LINC00305: variants seen among roughly 807,000 people sequenced by gnomAD.
LINC00305 encodes the protein long intergenic non-protein coding RNA 305.
chr18:64,143,994 C>T (rs1295234114), intron 1 of LINC00305, among the ~76,000 whole-genome samples: 1 of 152,052 alleles, frequency 6.6e-6, no homozygotes, highest in African/African-American at 2.4e-5. Context: ...TCCTGAAACA[C>T]CACAAATTTC....
chr18:64,124,086 A>G (rs1248141618), intron 1 of LINC00305, among the ~76,000 whole-genome samples: 1 of 152,144 alleles, frequency 6.6e-6, no homozygotes, highest in Non-Finnish European at 1.5e-5. Flanking sequence ...ACCCAGTCTC[A>G]GGCACTCTGT....
At chr18:64,137,249 G>A (rs1482101642) in intron 1 of LINC00305, among the ~76,000 whole-genome samples, 1 of 152,122 alleles carries the variant, frequency 6.6e-6, no homozygotes, top group African/African-American at 2.4e-5. Context: ...GCTGGAAGAG[G>A]CAAAGAAGGA....
At chr18:64,130,776 G>A (rs910760956) in intron 1 of LINC00305, among the ~76,000 whole-genome samples, 2 of 152,050 alleles carry the variant, frequency 1.3e-5, no homozygotes, top group Non-Finnish European at 2.9e-5. Context: ...AAGTGGAAAG[G>A]GCAATGACAT....
At chr18:64,104,062 A>G (rs2051279048) in intron 1 of LINC00305, 1 of 152,244 alleles carries the variant, frequency 6.6e-6, no homozygotes. Context: ...TTCTATCCTC[A>G]TAGTGTTGAG....
At position 64,111,526 on chromosome 18, in the gene LINC00305, A is replaced by C. The variant is rs376525363; in HGVS notation, n.315-12886T>G. Among the ~76,000 whole-genome samples the C allele has an allele frequency of 4.6e-5, 7 of 152,386 alleles. 1 individual carries two copies. The highest frequency in any genetic ancestry group is 2.0e-4 in the Admixed American group (3 of 15,310). ...TCAAATGTGAATTCTTGTTTATAGA[A>C]TAGTAAGGAAAATACATAATCATAA... On this transcript the variant is annotated intron_variant and non_coding_transcript_variant, in intron 1 of 3. Coordinates refer to ENST00000666468, the Ensembl canonical transcript of LINC00305.
At chr18:64,105,839 C>G (rs907331627) in intron 1 of LINC00305, among the ~76,000 whole-genome samples, 4 of 152,186 alleles carry the variant, frequency 2.6e-5, no homozygotes, top group Non-Finnish European at 5.9e-5. Context: ...AGAAGCATCA[C>G]AATTTCCAGT....
At chr18:64,090,503 G>A (rs947976228) in intron 3 of LINC00305, among the ~76,000 whole-genome samples, 1 of 152,158 alleles carries the variant, frequency 6.6e-6, no homozygotes, top group Non-Finnish European at 1.5e-5. Flanking sequence ...GGCAAATTGA[G>A]GAAATGTTAC....
intron 3 of LINC00305, among the ~76,000 whole-genome samples, chr18:64,085,691 C>A (rs987389549): frequency 6.6e-6 from 1 of 152,164 alleles, no homozygotes; most frequent in African/African-American, 2.4e-5. Flanking sequence ...GAACTCCCAA[C>A]CTCAAGTGAT....
chr18:64,086,357 T>A (rs552480854), intron 3 of LINC00305, among the ~76,000 whole-genome samples: 31 of 152,284 alleles, frequency 2.0e-4, no homozygotes, highest in African/African-American at 7.5e-4. Context: ...CATATCAAAA[T>A]CTGACCACAG....
chr18:64,128,363 C>T (rs1482418325), intron 1 of LINC00305, among the ~76,000 whole-genome samples: 1 of 151,310 alleles, frequency 6.6e-6, no homozygotes, highest in African/African-American at 2.4e-5. Context: ...CCACCTGTCA[C>T]CTGTCACCTC....
intron 1 of LINC00305, among the ~76,000 whole-genome samples, chr18:64,108,407 T>TGG (rs1464727956): frequency 6.6e-6 from 1 of 152,054 alleles, no homozygotes; most frequent in Non-Finnish European, 1.5e-5. Context: ...CCTCCTCAGG[T>TGG]GGGTGCACAG....
intron 3 of LINC00305, among the ~76,000 whole-genome samples, chr18:64,096,551 T>G (rs370772448): frequency 3.9e-5 from 6 of 151,994 alleles, no homozygotes; most frequent in Admixed American, 2.0e-4. Context: ...TGAATAAATA[T>G]GAATTATTTA....
intron 3 of LINC00305, among the ~76,000 whole-genome samples, chr18:64,083,531 C>T (rs1041536032): frequency 2.6e-5 from 4 of 152,200 alleles, no homozygotes; most frequent in Non-Finnish European, 5.9e-5. Context: ...AAGTATGTGA[C>T]AGCACTAATA....
At chr18:64,106,482 C>T (rs2051291356) in intron 1 of LINC00305, among the ~76,000 whole-genome samples, 1 of 152,160 alleles carries the variant, frequency 6.6e-6, no homozygotes, top group Non-Finnish European at 1.5e-5. Flanking sequence ...TCGAAGATGC[C>T]CTCTCCCTCT....
At chr18:64,141,502 A>G (rs1012276560) in intron 1 of LINC00305, among the ~76,000 whole-genome samples, 2 of 151,812 alleles carry the variant, frequency 1.3e-5, no homozygotes, top group African/African-American at 4.9e-5. Context: ...AAAAAGGGGG[A>G]AAAAGTTGTT....
intron 1 of LINC00305, among the ~76,000 whole-genome samples, chr18:64,114,873 G>A (rs2144253281): frequency 6.6e-6 from 1 of 152,320 alleles, no homozygotes; most frequent in Non-Finnish European, 1.5e-5. Flanking sequence ...TTGAAAATGA[G>A]CTTGTGCGTA....
intron 1 of LINC00305, among the ~76,000 whole-genome samples, chr18:64,136,270 A>G (rs1406688133): frequency 6.6e-6 from 1 of 152,176 alleles, no homozygotes; most frequent in Non-Finnish European, 1.5e-5. Context: ...CACACTGGAA[A>G]AATCTTGGCT....
intron 1 of LINC00305, among the ~76,000 whole-genome samples, chr18:64,148,217 T>C (rs1251264922): frequency 6.6e-6 from 1 of 151,982 alleles, no homozygotes; most frequent in Non-Finnish European, 1.5e-5. Flanking sequence ...GAGAGGAGTG[T>C]AAAGTCTAAC....
At chr18:64,138,709 G>T (rs2051446806) in intron 1 of LINC00305, among the ~76,000 whole-genome samples, 1 of 152,032 alleles carries the variant, frequency 6.6e-6, no homozygotes, top group Non-Finnish European at 1.5e-5. Context: ...TGGTGCTTTT[G>T]TGGTTATTTT....
Sources: gnomAD v4.1 joint callset for allele counts (sites outside exome capture counted in the v4.1 genomes callset) on GRCh38, gnomAD v4.1.1 for gene constraint, MANE v1.5 for transcripts, NCBI Gene and HGNC (gene_info 2026-07-23, HGNC 2026-07-21) for gene names.